Variants in DLGAP2 observed in about 807,000 individuals in gnomAD.
DLGAP2 encodes the protein DLG associated protein 2, also known as disks large-associated protein 2.
A neutral mutation model predicts 100.3 loss-of-function variants in DLGAP2; 26 were observed. That is an observed-to-expected ratio of 0.26 (90% CI 0.19 to 0.36). The LOEUF (loss-of-function observed/expected upper bound fraction) is 0.36, where lower values mean the gene tolerates loss of function less well. DLGAP2 is among the 10% of genes least tolerant of loss of function. DLGAP2 has a pLI of 1.00. For missense variants in DLGAP2, 1,858 were observed against 1,453.2 expected (o/e 1.28, Z -4.53); for synonymous variants, 886 against 630.1 (o/e 1.41, Z -6.08).
At chr8:1,059,096 G>A (rs1276409312) in intron 2 of DLGAP2, among the ~76,000 whole-genome samples, 5 of 152,110 alleles carry the variant, frequency 3.3e-5, no homozygotes, top group South Asian at 2.1e-4. Flanking sequence ...CCTCAGGTTC[G>A]CCCATCTCTC....
chr8:1,099,569 G>A (rs924996550), intron 2 of DLGAP2, among the ~76,000 whole-genome samples: 4 of 152,204 alleles, frequency 2.6e-5, no homozygotes, highest in African/African-American at 7.2e-5. Context: ...CCTTTCAGAG[G>A]CTACCAGGAG....
intron 3 of DLGAP2, among the ~76,000 whole-genome samples, chr8:1,289,902 C>T (rs528825485): frequency 1.3e-5 from 2 of 152,266 alleles, no homozygotes; most frequent in South Asian, 4.1e-4. Context: ...GTGGTTTTAT[C>T]CAGTTCAGTA....
chr8:1,389,896 AG>A (rs1171033802), intron 3 of DLGAP2, among the ~76,000 whole-genome samples: 1 of 152,108 alleles, frequency 6.6e-6, no homozygotes, highest in African/African-American at 2.4e-5. Flanking sequence ...GCTGAAAAAC[AG>A]CTAGCAGGCG....
At chr8:1,349,017 A>G (rs1009047661) in intron 3 of DLGAP2, among the ~76,000 whole-genome samples, 2 of 151,820 alleles carry the variant, frequency 1.3e-5, no homozygotes, top group Non-Finnish European at 2.9e-5. Flanking sequence ...TCTGGAACTC[A>G]TGGTGAGATA....
At chr8:801,043 T>G (rs1796141972) in intron 1 of DLGAP2, among the ~76,000 whole-genome samples, 1 of 146,392 alleles carries the variant, frequency 6.8e-6, no homozygotes, top group Non-Finnish European at 1.5e-5. Flanking sequence ...TCATGAATCC[T>G]GTTGATATTA....
At chr8:1,682,158 C>T (rs985951874) in intron 12 of DLGAP2, among the ~76,000 whole-genome samples, 2 of 152,218 alleles carry the variant, frequency 1.3e-5, no homozygotes, top group Non-Finnish European at 2.9e-5. Context: ...TCATTCTGGT[C>T]CTCCACGACT....
chr8:881,645 G>A (rs77726716), intron 1 of DLGAP2, among the ~76,000 whole-genome samples: 36,233 of 126,100 alleles, frequency 0.29, 5,291 homozygotes, highest in Non-Finnish European at 0.36. Context: ...GATTATAGGC[G>A]CACGCCACCA....
chr8:1,589,695 G>A (rs898680186), intron 6 of DLGAP2, among the ~76,000 whole-genome samples: 4 of 152,288 alleles, frequency 2.6e-5, no homozygotes, highest in Non-Finnish European at 4.4e-5. Flanking sequence ...CAATCCACCC[G>A]CCCAAGGCTG....
intron 3 of DLGAP2, among the ~76,000 whole-genome samples, chr8:1,462,594 G>A (rs1798491324): frequency 6.6e-6 from 1 of 152,180 alleles, no homozygotes; most frequent in South Asian, 2.1e-4. Flanking sequence ...TCACGGGACT[G>A]TGGCTACCTT....
intron 2 of DLGAP2, among the ~76,000 whole-genome samples, chr8:987,501 C>G (rs13274351): frequency 1.8e-4 from 27 of 151,962 alleles, no homozygotes; most frequent in Non-Finnish European, 3.4e-4. Context: ...TTCTGCCGGA[C>G]GCCCCCACGA....
intron 3 of DLGAP2, among the ~76,000 whole-genome samples, chr8:1,345,141 A>AG (rs1305287774): frequency 9.3e-6 from 1 of 106,978 alleles, no homozygotes; most frequent in African/African-American, 3.1e-5. Flanking sequence ...GTTTTGGTAC[A>AG]GTGTTGAGAC....
intron 6 of DLGAP2, among the ~76,000 whole-genome samples, chr8:1,585,447 G>C (rs867376193): frequency 6.6e-6 from 1 of 152,212 alleles, no homozygotes. Flanking sequence ...CTGGGCAAAA[G>C]ACCGAAAAAG....
At chr8:779,265 G>C (rs530982981) in intron 1 of DLGAP2, among the ~76,000 whole-genome samples, 1 of 152,164 alleles carries the variant, frequency 6.6e-6, no homozygotes, top group South Asian at 2.1e-4. Context: ...AGATGAACCT[G>C]GTACCTCAGA....
intron 3 of DLGAP2, among the ~76,000 whole-genome samples, chr8:1,454,200 C>G (rs560893235): frequency 2.6e-5 from 4 of 152,330 alleles, no homozygotes; most frequent in South Asian, 2.1e-4. Context: ...GTGTGACAAG[C>G]ACGTCCACAG....
intron 3 of DLGAP2, among the ~76,000 whole-genome samples, chr8:1,324,898 C>G (rs775907580): frequency 6.6e-6 from 1 of 152,220 alleles, no homozygotes; most frequent in African/African-American, 2.4e-5. Flanking sequence ...GAAGACTCCA[C>G]AAGCCTCGTC....
At position 1,382,924 on chromosome 8, in the gene DLGAP2, CGT is replaced by C. The variant is rs148803226; in HGVS notation, c.107-118429_107-118428del. On this transcript the variant is annotated intron_variant, in intron 3 of 14. Transcript: ENST00000637795. ...TGTATGTATACAAAGTGTGTGTGTG[CGT>C]GTGTGTGTGTGTAGAGAGAGACCCT... is the stretch of plus-strand genomic sequence containing the variant. 3.8e-4 allele frequency among the ~76,000 whole-genome samples: 57 copies of C among 150,874 alleles called. 1 individual carries two copies. The highest frequency in any genetic ancestry group is 1.3e-3 in the African/African-American group (52 of 41,160).
intron 3 of DLGAP2, among the ~76,000 whole-genome samples, chr8:1,374,612 G>T (rs1442821324): frequency 6.6e-6 from 1 of 152,200 alleles, no homozygotes; most frequent in Non-Finnish European, 1.5e-5. Flanking sequence ...CCATGTGGCA[G>T]ACGGAGAATC....
intron 2 of DLGAP2, among the ~76,000 whole-genome samples, chr8:995,544 C>A (rs937100170): frequency 1.3e-5 from 2 of 152,128 alleles, no homozygotes; most frequent in Non-Finnish European, 2.9e-5. Context: ...CATAGCCCTT[C>A]CAAATAGAAT....
chr8:1,054,748 T>C (rs919199057), intron 2 of DLGAP2, among the ~76,000 whole-genome samples: 1 of 152,232 alleles, frequency 6.6e-6, no homozygotes, highest in Admixed American at 6.5e-5. Flanking sequence ...ATTGTATTGG[T>C]GTCACGCTGT....
Sources: allele counts gnomAD v4.1 joint callset (sites outside exome capture counted in the v4.1 genomes callset), GRCh38; gene constraint gnomAD v4.1.1; transcripts MANE v1.5; gene names NCBI Gene and HGNC (gene_info 2026-07-23, HGNC 2026-07-21).